CPQ: variants seen among roughly 807,000 people sequenced by gnomAD.
The protein encoded by CPQ is Ser-Met dipeptidase.
In CPQ, 37 loss-of-function variants were observed where a neutral mutation model predicts 45.7. The observed-to-expected ratio is 0.81, with a 90% CI of 0.62 to 1.07. The LOEUF is 1.07. Among genes scored for constraint, CPQ ranks in the 50% least tolerant of loss-of-function variants. The pLI is 0.00. For missense variants in CPQ, 537 were observed against 572.9 expected, an observed-to-expected ratio of 0.94 and a Z score of 0.64; for synonymous variants, 186 against 205.8, an observed-to-expected ratio of 0.90 and a Z score of 0.82.
intron 4 of CPQ, among the ~76,000 whole-genome samples, chr8:96,943,495 G>C (rs1563534843): frequency 1.3e-5 from 2 of 152,126 alleles, no homozygotes; most frequent in Non-Finnish European, 2.9e-5. Flanking sequence ...CTCATAATAA[G>C]CAGCACTTTA....
Position 96,834,999 on chromosome 8 carries a change from A to T in CPQ, c.460A>T (p.Thr154Ser). 1 of 1,613,442 alleles carries T rather than the reference A, an allele frequency of 6.2e-7. No homozygotes were observed. The highest frequency in any genetic ancestry group is 8.5e-7 in the Non-Finnish European group (1 of 1,179,712). Residue 154 changes from threonine (T) to serine (S), a missense_variant, in exon 3 of 8, where the codon ACC becomes TCC. By Grantham distance (58) the Thr-to-Ser change is moderately conservative. Coordinates refer to ENST00000220763, the MANE Select transcript of CPQ (RefSeq NM_016134.4). ...EGITAEVLVV[T>S]SFDELQRRAS... ...CATTACAGCAGAAGTTCTGGTGGTG[A>T]CCTCTTTCGATGAACTGCAGAGAAG...
At chr8:96,821,896 A>G (rs1811312456) in intron 2 of CPQ, among the ~76,000 whole-genome samples, 1 of 152,002 alleles carries the variant, frequency 6.6e-6, no homozygotes, top group Admixed American at 6.6e-5. Context: ...TACCTCACAT[A>G]CTTAACATTT....
chr8:96,700,030 G>T (rs1054591532), intron 1 of CPQ, among the ~76,000 whole-genome samples: 9 of 152,156 alleles, frequency 5.9e-5, no homozygotes, highest in African/African-American at 1.9e-4. Context: ...CTAGACAAGA[G>T]CCTGGGAGTG....
intron 7 of CPQ, among the ~76,000 whole-genome samples, chr8:97,068,695 G>A (rs1295406159): frequency 6.6e-6 from 1 of 152,184 alleles, no homozygotes; most frequent in African/African-American, 2.4e-5. Flanking sequence ...CTCCTAATGT[G>A]TAGGAAGTAC....
intron 1 of CPQ, among the ~76,000 whole-genome samples, chr8:96,669,186 G>T (rs911449786): frequency 9.2e-5 from 14 of 152,200 alleles, no homozygotes; most frequent in African/African-American, 3.4e-4. Flanking sequence ...TGATGTCAGC[G>T]GGGATCTTGG....
intron 2 of CPQ, among the ~76,000 whole-genome samples, chr8:96,815,981 C>T (rs931769109): frequency 6.6e-6 from 1 of 152,080 alleles, no homozygotes; most frequent in Non-Finnish European, 1.5e-5. Flanking sequence ...TTGATGTTGA[C>T]GGCTGCCGAC....
At position 96,980,779 on chromosome 8, in the gene CPQ, G is replaced by C. The variant is rs116777697; in HGVS notation, c.961+14733G>C. On this transcript the variant is annotated intron_variant, in intron 5 of 7. Coordinates refer to ENST00000220763, the MANE Select transcript of CPQ (RefSeq NM_016134.4). ...AGTTAACTCACAAACCTTCACCCCA[G>C]TGTAGCCACCATCCATGAGTATACA... 2.0e-3 allele frequency among the ~76,000 whole-genome samples: 298 copies of C among 152,234 alleles called. 1 individual carries two copies. Among genetic ancestry groups the C allele is most frequent in the African/African-American group, 7.0e-3 (289 of 41,542 alleles).
Position 96,772,805 on chromosome 8 carries a change from A to C in CPQ, c.-34-12059A>C, listed in dbSNP as rs562021535. ...AGTTCAATTTCAGCTGGCTGGTTGC[A>C]GGAGACAGCAAAACAGTAGATCAAG... On this transcript the variant is annotated intron_variant, in intron 1 of 7. Coordinates refer to ENST00000220763, the MANE Select transcript of CPQ (RefSeq NM_016134.4). Among the ~76,000 whole-genome samples, 11 of 152,354 alleles carry C rather than the reference A, an allele frequency of 7.2e-5. No individual in the cohort carries two copies. The South Asian group carries it at 2.1e-3, about 29-fold the overall frequency.
At chr8:96,951,783 G>A (rs771680316) in intron 4 of CPQ, among the ~76,000 whole-genome samples, 8 of 151,996 alleles carry the variant, frequency 5.3e-5, no homozygotes, top group Admixed American at 2.6e-4. Context: ...ACCAGTGCCC[G>A]CATAAGCAGT....
rs193088924 is a variant in CPQ at position 96,789,370 on chromosome 8, T to C, written c.433+4040T>C. Among the ~76,000 whole-genome samples, 348 of 152,326 alleles carry C rather than the reference T, an allele frequency of 2.3e-3. 4 individuals carry two copies. The highest frequency in any genetic ancestry group is 8.2e-3 in the African/African-American group (340 of 41,576). ...TCGCTTGACTGTACTAACTCTGTGA[T>C]GTCTATTTCTCCTACACTGTTCAGC... On this transcript the variant is annotated intron_variant, in intron 2 of 7. Transcript: ENST00000220763.
chr8:97,071,254 A>T (rs952885843), intron 7 of CPQ, among the ~76,000 whole-genome samples: 2 of 152,172 alleles, frequency 1.3e-5, no homozygotes, highest in Admixed American at 6.6e-5. Flanking sequence ...GTTATTAAGC[A>T]TCCTTATTAA....
At chr8:96,970,774 A>G (rs1323862268) in intron 5 of CPQ, among the ~76,000 whole-genome samples, 2 of 152,154 alleles carry the variant, frequency 1.3e-5, no homozygotes, top group East Asian at 3.9e-4. Flanking sequence ...CGTGTTAGCC[A>G]GGATGGTCTC....
intron 4 of CPQ, among the ~76,000 whole-genome samples, chr8:96,894,019 GCT>G (rs1315273061): frequency 6.6e-6 from 1 of 152,146 alleles, no homozygotes. Context: ...CTTCCTCCTT[GCT>G]CTTTCTCTTG....
intron 1 of CPQ, among the ~76,000 whole-genome samples, chr8:96,667,737 C>T (rs751538305): frequency 6.6e-5 from 10 of 152,048 alleles, no homozygotes; most frequent in Non-Finnish European, 1.0e-4. Flanking sequence ...GTTCCCAACC[C>T]GAAATCCCCT....
chr8:97,050,064 T>C (rs1015513330), intron 6 of CPQ, among the ~76,000 whole-genome samples: 3 of 152,206 alleles, frequency 2.0e-5, no homozygotes, highest in Non-Finnish European at 4.4e-5. Flanking sequence ...GGCAAATTGC[T>C]TAGTACCTGA....
chr8:96,769,276 C>T (rs979348271), intron 1 of CPQ, among the ~76,000 whole-genome samples: 4 of 152,160 alleles, frequency 2.6e-5, no homozygotes, highest in African/African-American at 9.7e-5. Context: ...AATCCCTTTT[C>T]CTTTCTTCCC....
intron 7 of CPQ, among the ~76,000 whole-genome samples, chr8:97,088,921 TA>T (rs1413277501): frequency 2.0e-5 from 3 of 152,158 alleles, no homozygotes; most frequent in Non-Finnish European, 4.4e-5. Flanking sequence ...ATACTCGAAA[TA>T]ACTTTTACAG....
In CPQ at chr8:96,999,708, T is replaced by C. The variant is rs1191105340; in HGVS notation, c.962-29695T>C. Among the ~76,000 whole-genome samples the C allele has an allele frequency of 3.3e-5, 5 of 152,014 alleles. No homozygotes were observed. The East Asian group carries it at 9.6e-4, about 29-fold the overall frequency. On this transcript the variant is annotated intron_variant, in intron 5 of 7. Transcript: ENST00000220763. Reference sequence around the variant, plus strand: ...TAGTGCTGCAGTGAACATATGTGTATGTGTCTTTATAATAGAATGATTTAT... The same window carrying C: ...TAGTGCTGCAGTGAACATATGTGTACGTGTCTTTATAATAGAATGATTTAT...
At chr8:96,777,738 A>C (rs1810625469) in intron 1 of CPQ, among the ~76,000 whole-genome samples, 1 of 6,066 alleles carries the variant, frequency 1.6e-4, no homozygotes, top group African/African-American at 6.8e-4. Flanking sequence ...ATATATATAT[A>C]TATATATATA....
Sources: allele counts gnomAD v4.1 joint callset (sites outside exome capture counted in the v4.1 genomes callset), GRCh38; gene constraint gnomAD v4.1.1; transcripts MANE v1.5; gene names NCBI Gene and HGNC (gene_info 2026-07-23, HGNC 2026-07-21).